TAB2: variants seen among roughly 807,000 people sequenced by gnomAD.
TAB2 encodes the protein TGF-beta-activated kinase 1 and MAP3K7-binding protein 2.
A neutral mutation model predicts 65.0 loss-of-function variants in TAB2; 3 were observed. The ratio of observed to expected loss-of-function variants is 0.05; its 90% CI spans 0.02 to 0.12. The LOEUF is 0.12. Among genes scored for constraint, TAB2 ranks in the 10% least tolerant of loss-of-function variants. The probability of loss-of-function intolerance (pLI) is 1.00; values close to 1 mark genes in which losing one functional copy is unlikely to be tolerated. For missense variants in TAB2, 623 were observed against 840.3 expected (o/e 0.74, Z 3.20); for synonymous variants, 298 against 285.1 (o/e 1.05, Z -0.46).
chr6:149,378,789 A>G lies in TAB2; in HGVS notation c.874A>G (p.Thr292Ala), dbSNP rs113049462. 1.2e-4 allele frequency: 187 copies of G among 1,614,112 alleles called. 2 individuals are homozygous for G. In the African/African-American group the frequency reaches 1.7e-3, roughly 15 times the overall value. ...CTACATGCCAATCAGTTCACCTACT[A>G]CTTCACAACCACCAACCATTCATTC... The part of the protein sequence containing the change: ...HVYMPISSPT[T>A]SQPPTIHSSG... Residue 292 changes from threonine to alanine, a missense_variant, in exon 3 of 7, where the codon ACT (threonine) becomes GCT (alanine). Coordinates refer to ENST00000637181, the MANE Select transcript of TAB2 (RefSeq NM_001292034.3).
intron 1 of TAB2, among the ~76,000 whole-genome samples, chr6:149,258,577 A>G (rs2114664824): frequency 6.6e-6 from 1 of 152,376 alleles, no homozygotes; most frequent in Middle Eastern, 3.4e-3. Flanking sequence ...ATTTGCTCAG[A>G]AGCATCCATT....
intron 3 of TAB2, among the ~76,000 whole-genome samples, chr6:149,381,416 A>G (rs969158723): frequency 6.6e-6 from 1 of 152,166 alleles, no homozygotes; most frequent in Admixed American, 6.5e-5. Flanking sequence ...CTGATTCTTA[A>G]GTAGCAAATT....
At chr6:149,270,615 CACCATAAATATATATAA>C (rs1778342594) in intron 1 of TAB2, among the ~76,000 whole-genome samples, 1 of 152,084 alleles carries the variant, frequency 6.6e-6, no homozygotes, top group Non-Finnish European at 1.5e-5. Flanking sequence ...TCATGTTTTA[CACCATAAATATATATAA>C]TTTTTACTTG....
intron 2 of TAB2, among the ~76,000 whole-genome samples, chr6:149,377,426 C>T (rs1201584893): frequency 2.0e-5 from 3 of 151,518 alleles, no homozygotes; most frequent in African/African-American, 7.3e-5. Flanking sequence ...GGAGCTAGTT[C>T]TTCTGGAGGC....
chr6:149,384,658 C>G (rs914736864), intron 3 of TAB2, among the ~76,000 whole-genome samples: 1 of 152,162 alleles, frequency 6.6e-6, no homozygotes, highest in Admixed American at 6.5e-5. Flanking sequence ...ACATTTTCCC[C>G]TTAAGTCATA....
At chr6:149,388,014 G>C (rs988431511) in intron 3 of TAB2, among the ~76,000 whole-genome samples, 22 of 152,200 alleles carry the variant, frequency 1.4e-4, no homozygotes, top group South Asian at 2.1e-4. Flanking sequence ...TTGGCAGACT[G>C]TGAGATTACT....
intron 6 of TAB2, among the ~76,000 whole-genome samples, chr6:149,403,281 TATACACACAC>T (rs1162103032): frequency 3.1e-4 from 10 of 31,872 alleles, no homozygotes; most frequent in African/African-American, 1.8e-3. Flanking sequence ...TATATATATA[TATACACACAC>T]ACACATATAT....
chr6:149,263,875 G>A (rs1355349464), intron 1 of TAB2, among the ~76,000 whole-genome samples: 1 of 152,224 alleles, frequency 6.6e-6, no homozygotes, highest in African/African-American at 2.4e-5. Context: ...TAGTAGGCAG[G>A]CAGTTCTGGG....
Position 149,379,489 on chromosome 6 carries a change from T to C in TAB2, c.1574T>C (p.Met525Thr). Residue 525 changes from methionine (M) to threonine (T), a missense_variant, in exon 3 of 7, where the codon ATG becomes ACG. Transcript: ENST00000637181. ...DRISETRKLS[M>T]GSDDAAYTQA... ...ATAAGTGAAACACGGAAACTGAGTATGGGATCTGATGATGCTGCCTACACA... is the reference window on the plus strand; with the variant it reads ...ATAAGTGAAACACGGAAACTGAGTACGGGATCTGATGATGCTGCCTACACA... 1 of 1,614,118 alleles carries C rather than the reference T, an allele frequency of 6.2e-7. No homozygotes were observed. Among genetic ancestry groups the C allele is most frequent in the Non-Finnish European group, 8.5e-7 (1 of 1,180,016 alleles).
chr6:149,336,075 C>T (rs888376879), intron 1 of TAB2, among the ~76,000 whole-genome samples: 1 of 152,018 alleles, frequency 6.6e-6, no homozygotes, highest in Non-Finnish European at 1.5e-5. Flanking sequence ...AGTCAGGAAC[C>T]CCGGGTTCTA....
chr6:149,258,416 TACACACACACACACACACACACAC>T (rs56710457), intron 1 of TAB2, among the ~76,000 whole-genome samples: 4 of 146,200 alleles, frequency 2.7e-5, no homozygotes, highest in Non-Finnish European at 6.0e-5. Flanking sequence ...CATGACTGCC[TACACACACACACACACACACACAC>T]ACACACACAC....
chr6:149,259,885 A>T (rs775883647), intron 1 of TAB2, among the ~76,000 whole-genome samples: 5 of 152,192 alleles, frequency 3.3e-5, no homozygotes, highest in Non-Finnish European at 7.3e-5. Flanking sequence ...GTAGCCCATG[A>T]CAGGGATTCT....
At chr6:149,309,372 A>G (rs73611007) in intron 1 of TAB2, among the ~76,000 whole-genome samples, 9,262 of 150,406 alleles carry the variant, frequency 0.062, 938 homozygotes, top group African/African-American at 0.21. Flanking sequence ...TGTCATACCA[A>G]TGCCTCCCCA....
At chr6:149,270,254 G>T (rs1583057227) in intron 1 of TAB2, among the ~76,000 whole-genome samples, 1 of 152,190 alleles carries the variant, frequency 6.6e-6, no homozygotes, top group East Asian at 1.9e-4. Context: ...ATCAAATGTT[G>T]GTTGAATTCT....
At chr6:149,254,546 T>C (rs748956361) in intron 1 of TAB2, among the ~76,000 whole-genome samples, 2 of 152,238 alleles carry the variant, frequency 1.3e-5, no homozygotes, top group East Asian at 1.9e-4. Flanking sequence ...ATAAGGCTCA[T>C]GGTCATGATT....
intron 1 of TAB2, among the ~76,000 whole-genome samples, chr6:149,340,268 A>T (rs1283317021): frequency 6.6e-6 from 1 of 152,216 alleles, no homozygotes; most frequent in South Asian, 2.1e-4. Flanking sequence ...TTTGGCTAAC[A>T]TTAATAAGAG....
chr6:149,238,395 C>T (rs896766014), intron 1 of TAB2, among the ~76,000 whole-genome samples: 2 of 152,168 alleles, frequency 1.3e-5, no homozygotes, highest in East Asian at 3.9e-4. Context: ...GGTGGGCTTG[C>T]TTCCTGGCTT....
At chr6:149,365,458 AT>A (rs1029488579) in intron 1 of TAB2, among the ~76,000 whole-genome samples, 1 of 152,170 alleles carries the variant, frequency 6.6e-6, no homozygotes, top group African/African-American at 2.4e-5. Flanking sequence ...CACTTATATT[AT>A]GTCATTTCAC....
intron 1 of TAB2, among the ~76,000 whole-genome samples, chr6:149,264,026 T>C (rs1778208926): frequency 6.6e-6 from 1 of 152,230 alleles, no homozygotes; most frequent in Non-Finnish European, 1.5e-5. Context: ...CTGAAGGCAA[T>C]GCCTATTCTG....
Sources: gnomAD v4.1 joint callset for allele counts (sites outside exome capture counted in the v4.1 genomes callset) on GRCh38, gnomAD v4.1.1 for gene constraint, MANE v1.5 for transcripts, NCBI Gene and HGNC (gene_info 2026-07-23, HGNC 2026-07-21) for gene names.